Variants in PKP3 observed in about 807,000 individuals in gnomAD.
PKP3 encodes the protein plakophilin 3, also known as plakophilin-3.
PKP3 carries 66 observed loss-of-function variants against 76.5 expected under a neutral mutation model. That is an observed-to-expected ratio of 0.86 (90% CI 0.71 to 1.06). The LOEUF (loss-of-function observed/expected upper bound fraction) is 1.06. Among genes scored for constraint, PKP3 ranks in the 50% least tolerant of loss-of-function variants. The probability of loss-of-function intolerance (pLI) is 0.00; values close to 1 mark genes in which losing one functional copy is unlikely to be tolerated. For synonymous variants in PKP3, 638 were observed against 516.5 expected (o/e 1.24, Z -3.19); for missense variants, 1,338 against 1,141.0 (o/e 1.17, Z -2.49).
At position 399,001 on chromosome 11, in the gene PKP3, C is replaced by G. The variant is rs1847101289; in HGVS notation, c.1078C>G (p.Leu360Val). Residue 360 changes from leucine (L) to valine (V), a missense_variant, in exon 5 of 13, where the codon CTT (leucine) becomes GTT (valine). Physicochemically the swap from Leu to Val is conservative, Grantham distance 32 (BLOSUM62 1). Transcript: ENST00000331563. ...DAAAKKQARS[L>V]QAVPRLVKLF... ...ATGCCTGTGCCCGCAGGCCCGCAGC[C>G]TTCAGGCCGTGCCTAGGCTGGTGAA... The G allele has an allele frequency of 6.3e-7, 1 of 1,582,348 alleles. No individual in the cohort carries two copies. The highest frequency in any genetic ancestry group is 1.3e-5 in the African/African-American group (1 of 74,324).
Position 403,231 on chromosome 11 carries a change from G to A in PKP3, c.1891G>A (p.Ala631Thr). Residue 631 changes from alanine to threonine, a missense_variant, in exon 9 of 13, where the codon GCG becomes ACG. Transcript: ENST00000331563. ...NRHTTEAAAG[A>T]LQNITAGDRR... Reference sequence around the variant, plus strand: ...GCACACGACGGAGGCGGCCGCCGGGGCGCTGCAGAACATCACGGCAGGCGA... The same window carrying A: ...GCACACGACGGAGGCGGCCGCCGGGACGCTGCAGAACATCACGGCAGGCGA... 2 of 1,588,774 alleles carry A rather than the reference G, an allele frequency of 1.3e-6. No homozygotes were observed. Among genetic ancestry groups the A allele is most frequent in the Non-Finnish European group, 1.7e-6 (2 of 1,170,928 alleles).
chr11:394,530 C>T lies in PKP3; in HGVS notation c.232+6C>T, dbSNP rs538107404. 19 of 1,371,912 alleles carry T rather than the reference C, an allele frequency of 1.4e-5. No homozygotes were observed. The highest frequency in any genetic ancestry group is 1.3e-4 in the South Asian group (8 of 60,400). The allele number at this position is 1,371,912 out of a possible 1,614,324, so 85.0% of individuals were successfully genotyped here. On this transcript the variant is annotated splice_donor_region_variant and intron_variant, in intron 1 of 12. Transcript: ENST00000331563. Reference sequence around the variant, plus strand: ...TGAGGCCGAGACTGCCAGAGGTAGGCGGTGGGGACAGCGGCGGGGATGGCG... The same window carrying T: ...TGAGGCCGAGACTGCCAGAGGTAGGTGGTGGGGACAGCGGCGGGGATGGCG...
At chr11:397,843 A>C in intron 4 of PKP3, 181 bp downstream of exon 4, 3 of 618,658 alleles carry the variant, frequency 4.8e-6, no homozygotes, top group South Asian at 3.9e-5. Context: ...TGGATACACC[A>C]GTATCACCTG....
upstream of PKP3, chr11:392,679 G>C (rs894590370): frequency 6.2e-6 from 8 of 1,286,860 alleles, no homozygotes; most frequent in South Asian, 9.9e-5. Flanking sequence ...GATGAGCTGG[G>C]AGGCTGGCGG....
chr11:394,914 G>C (rs962236894), intron 1 of PKP3, among the ~76,000 whole-genome samples: 2 of 152,166 alleles, frequency 1.3e-5, no homozygotes, highest in African/African-American at 2.4e-5. Flanking sequence ...AGACACCCAC[G>C]CTCCTCCCAT....
Position 394,234 on chromosome 11 carries a change from C to G in PKP3, c.-59C>G, listed in dbSNP as rs1043238720. The G allele has an allele frequency of 3.5e-6, 5 of 1,436,278 alleles. No homozygotes were observed. The highest frequency in any genetic ancestry group is 3.0e-5 in the African/African-American group (2 of 66,840). 89.0% of individuals were successfully genotyped at this position (1,436,278 alleles called of 1,614,324 possible). Reference sequence around the variant, plus strand: ...AGGGAGAGGGCCTCGAGGGACAGGACGTGAAGATAGTTGGGTTTGGAGGCG... The same window carrying G: ...AGGGAGAGGGCCTCGAGGGACAGGAGGTGAAGATAGTTGGGTTTGGAGGCG... On this transcript the variant is annotated 5_prime_UTR_variant, in exon 1 of 13. Coordinates refer to ENST00000331563, the MANE Select transcript of PKP3 (RefSeq NM_007183.4).
At chr11:403,559 C>T (rs894775921) in intron 9 of PKP3, 59 bp from the exon 10 acceptor site, 12 of 1,523,694 alleles carry the variant, frequency 7.9e-6, no homozygotes, top group Admixed American at 3.5e-5. Context: ...TGTGGCAGGA[C>T]CCCCTCAGGT....
In PKP3 at chr11:404,332, C is replaced by A. The variant is rs751071247; in HGVS notation, c.2358+9C>A. 2 of 1,610,476 alleles carry A rather than the reference C, an allele frequency of 1.2e-6. No homozygotes were observed. Among genetic ancestry groups the A allele is most frequent in the African/African-American group, 2.7e-5 (2 of 74,852 alleles). ...ACCGTGACTTCCGGGCGGTACGTTT[C>A]CCGAGCCCAGGGCAAGCAGGGACCC... On this transcript the variant is annotated intron_variant, in intron 12 of 12. Transcript: ENST00000331563. This position sits in a 1 kb window ranked among gnomAD's most constrained non-coding sequence, Gnocchi z 4.2.
chr11:397,116 G>A lies in PKP3; in HGVS notation c.615G>A (p.Ala205=), dbSNP rs751556651. ...YSLVSEQLEP[A]ATSTYRAFAY... The stretch of plus-strand genomic sequence containing the variant: ...TGGTGTCTGAGCAGCTGGAGCCCGC[G>A]GCCACCTCCACCTACAGGGCCTTTG... The change falls in exon 3 of 13, where the codon GCG becomes GCA. Residue 205 remains alanine, a synonymous_variant. Coordinates refer to ENST00000331563, the MANE Select transcript of PKP3 (RefSeq NM_007183.4). 16 of 1,597,934 alleles carry A rather than the reference G, an allele frequency of 1.0e-5. No homozygotes were observed. The highest frequency in any genetic ancestry group is 3.3e-5 in the Admixed American group (2 of 59,840).
At chr11:397,686 G>A (rs373906660) in intron 4 of PKP3, 24 bp downstream of exon 4, 16 of 1,604,002 alleles carry the variant, frequency 1.0e-5, no homozygotes, top group African/African-American at 5.4e-5. Context: ...CCACCCACTC[G>A]CTGCCCCCTG....
rs11246147 is a variant in PKP3, at chr11:396,701, C to T, written c.312+14C>T. 0.54 allele frequency: 857,933 copies of T among 1,602,844 alleles called. 232,988 individuals carry two copies. The highest frequency in any genetic ancestry group is 0.6 in the South Asian group (53,477 of 89,862). Reference sequence around the variant, plus strand: ...GACAAGACCTCGGTGAGCGATGGGCCCAGCCCGAGGGGGACGATCTGAGCT... The same window carrying T: ...GACAAGACCTCGGTGAGCGATGGGCTCAGCCCGAGGGGGACGATCTGAGCT... On this transcript the variant is annotated intron_variant, in intron 2 of 12. Transcript: ENST00000331563.
Position 404,422 on chromosome 11 carries a change from G to C in PKP3, c.2358+99G>C. On this transcript the variant is annotated intron_variant, in intron 12 of 12. Coordinates refer to ENST00000331563, the MANE Select transcript of PKP3 (RefSeq NM_007183.4). The surrounding 1 kb of genome is among the most constrained non-coding windows in gnomAD (Gnocchi z 4.2). ...AGGCCCATGGGAGGATGGAGACCAG[G>C]GACCCAGAGAGGAAGGGTCCGGGCC... is the stretch of plus-strand genomic sequence containing the variant. 2.0e-6 allele frequency: 3 copies of C among 1,476,302 alleles called. No individual in the cohort carries two copies. The highest frequency in any genetic ancestry group is 2.8e-6 in the Non-Finnish European group (3 of 1,055,976). The allele number at this position is 1,476,302 out of a possible 1,614,324, so 91.5% of individuals were successfully genotyped here.
chr11:392,894 C>T (rs893745720), upstream of PKP3, among the ~76,000 whole-genome samples: 23 of 152,078 alleles, frequency 1.5e-4, no homozygotes, highest in Middle Eastern at 3.2e-3. Flanking sequence ...AACCCTGACC[C>T]GGCCCTCACG....
chr11:403,895 C>A (rs1413213603), intron 10 of PKP3, 48 bp from the exon 11 acceptor site: 5 of 1,564,826 alleles, frequency 3.2e-6, no homozygotes, highest in Non-Finnish European at 4.3e-6. Flanking sequence ...CCCCAGGTGC[C>A]CAGGTGGCCA....
chr11:399,261 C>T, intron 5 of PKP3, 65 bp downstream of exon 5: 1 of 1,021,896 alleles, frequency 9.8e-7, no homozygotes, highest in East Asian at 3.6e-5. Flanking sequence ...ATCCCCCCTG[C>T]CTTCCTCCCC....
rs757603200 is a variant in PKP3, at chr11:403,637, G to T, written c.1943G>T (p.Arg648Leu). 27 of 1,607,022 alleles carry T rather than the reference G, an allele frequency of 1.7e-5. No homozygotes were observed. The highest frequency in any genetic ancestry group is 2.7e-5 in the African/African-American group (2 of 75,026). ...GDRRWAGVLS[R>L]LALEQERILN... ...CCACAGTGGGCGGGGGTGCTGAGCC[G>T]CCTGGCCCTGGAGCAGGAGCGTATT... is the stretch of plus-strand genomic sequence containing the variant. The change falls in exon 10 of 13, where the codon CGC becomes CTC. Residue 648 changes from arginine to leucine, a missense_variant. Transcript: ENST00000331563.
intron 9 of PKP3, 63 bp downstream of exon 9, chr11:403,326 A>T: frequency 3.8e-6 from 4 of 1,046,100 alleles, no homozygotes; most frequent in Non-Finnish European, 5.5e-6. Context: ...GGGGGGACAG[A>T]GGAGGGAGAG....
chr11:399,194 C>G lies in PKP3; in HGVS notation c.1271C>G (p.Thr424Arg). 4 of 1,576,006 alleles carry G rather than the reference C, an allele frequency of 2.5e-6. No homozygotes were observed. In the East Asian group the frequency reaches 7.0e-5, roughly 28 times the overall value. Residue 424 changes from threonine to arginine, a missense_variant and splice_region_variant, in exon 5 of 13, where the codon ACA becomes AGA. Coordinates refer to ENST00000331563, the MANE Select transcript of PKP3 (RefSeq NM_007183.4). ...EQDDELRKNV[T>R]GILWNLSSSD... is the part of the protein sequence containing the mutation. The stretch of plus-strand genomic sequence containing the variant: ...GATGATGAGCTTCGCAAAAATGTCA[C>G]AGGTGCTGCCTGTCCCCTCCTCCAC...
chr11:398,114 G>A (rs1205802961), intron 4 of PKP3, among the ~76,000 whole-genome samples: 3 of 48,324 alleles, frequency 6.2e-5, no homozygotes, highest in African/African-American at 2.1e-4. Context: ...ACACACCTGT[G>A]TCACCTCCCT....
Sources: gnomAD v4.1 joint callset for allele counts (sites outside exome capture counted in the v4.1 genomes callset) on GRCh38, gnomAD v4.1.1 for gene constraint, Gnocchi (gnomAD v3.1) non-coding constraint, MANE v1.5 for transcripts, NCBI Gene and HGNC (gene_info 2026-07-23, HGNC 2026-07-21) for gene names.